Variants in AAMDC observed in about 807,000 individuals in gnomAD.
AAMDC encodes the protein mth938 domain-containing protein.
In AAMDC, 16 loss-of-function variants were observed where a neutral mutation model predicts 15.5. The observed-to-expected ratio is 1.03, with a 90% CI of 0.70 to 1.57. The LOEUF (loss-of-function observed/expected upper bound fraction) is 1.57, where lower values mean the gene tolerates loss of function less well. Among genes scored for constraint, AAMDC ranks in the 40% most tolerant of loss-of-function variants. AAMDC has a pLI of 0.00. For synonymous variants in AAMDC, 51 were observed against 51.6 expected, an observed-to-expected ratio of 0.99 and a Z score of 0.05; for missense variants, 141 against 144.9, an observed-to-expected ratio of 0.97 and a Z score of 0.14.
chr11:77,835,645 G>A (rs760564468), intron 1 of AAMDC, among the ~76,000 whole-genome samples: 6 of 152,168 alleles, frequency 3.9e-5, no homozygotes, highest in Non-Finnish European at 7.3e-5. Flanking sequence ...GGGGCCAGGC[G>A]TGGTGGCTCA....
At chr11:77,838,339 G>A (rs1949782609) in intron 1 of AAMDC, among the ~76,000 whole-genome samples, 1 of 152,174 alleles carries the variant, frequency 6.6e-6, no homozygotes, top group Non-Finnish European at 1.5e-5. Flanking sequence ...ACAGTCAGTA[G>A]ACTAGTGTAT....
At chr11:77,842,083 T>G (rs777494987) in intron 1 of AAMDC, among the ~76,000 whole-genome samples, 1 of 152,238 alleles carries the variant, frequency 6.6e-6, no homozygotes, top group Non-Finnish European at 1.5e-5. Flanking sequence ...TTTCTCTGAT[T>G]GTGGTATATG....
chr11:77,894,258 T>G (rs1264639679), intron 5 of AAMDC: 1 of 1,203,658 alleles, frequency 8.3e-7, no homozygotes, highest in South Asian at 1.3e-5. Flanking sequence ...TAACCAAGAT[T>G]TAATAAGCCA....
At chr11:77,902,041 C>T (rs1337394914), downstream of AAMDC, among the ~76,000 whole-genome samples, 1 of 152,156 alleles carries the variant, frequency 6.6e-6, no homozygotes, top group Non-Finnish European at 1.5e-5. Context: ...TTGTCTATGA[C>T]CCCAGATCAA....
downstream of AAMDC, among the ~76,000 whole-genome samples, chr11:77,905,497 TG>T (rs1441602006): frequency 6.6e-6 from 1 of 151,742 alleles, no homozygotes; most frequent in African/African-American, 2.4e-5. Context: ...ACGGACTCTC[TG>T]GGTTCTGCTG....
In AAMDC at chr11:77,849,308, G is replaced by A. The variant is rs145845581; in HGVS notation, c.132+6680G>A. ...GTGACCTTGGCTCACTGCAACCTCT[G>A]ACTCCCGGGTTCAAGCGATTCTCTT... On this transcript the variant is annotated intron_variant, in intron 2 of 3. Coordinates refer to ENST00000393427, the MANE Select transcript of AAMDC (RefSeq NM_024684.4). 8.7e-3 allele frequency among the ~76,000 whole-genome samples: 1,322 copies of A among 152,128 alleles called. 13 individuals are homozygous for A. The highest frequency in any genetic ancestry group is 0.031 in the African/African-American group (1,273 of 41,510).
Position 77,895,530 on chromosome 11 carries a change from A to G in AAMDC, c.329-5041A>G, listed in dbSNP as rs1303692224. Among the ~76,000 whole-genome samples, 19 of 39,670 alleles carry G rather than the reference A, an allele frequency of 4.8e-4. No homozygotes were observed. In the East Asian group the frequency reaches 0.015, roughly 31 times the overall value. The allele number at this position is 39,670 out of a possible 152,430, so 26.0% of individuals were successfully genotyped here. Reference sequence around the variant, plus strand: ...CATTCATTCTAATTCTTTTCCTGAAAAAAAAAAAAAAAAAAAAAAAAAAAA... The same window carrying G: ...CATTCATTCTAATTCTTTTCCTGAAGAAAAAAAAAAAAAAAAAAAAAAAAA... On this transcript the variant is annotated intron_variant, in intron 5 of 5. Transcript: ENST00000304716.
rs1171420100 is a variant in AAMDC, at chr11:77,854,295, C to T, written c.132+11667C>T. On this transcript the variant is annotated intron_variant, in intron 2 of 3. Coordinates refer to ENST00000393427, the MANE Select transcript of AAMDC (RefSeq NM_024684.4). ...GCGTGAGCCACCGTGCCCGGCTATC[C>T]TCCAAATTCTTAACACATTCCAGCA... Among the ~76,000 whole-genome samples, 3 of 152,218 alleles carry T rather than the reference C, an allele frequency of 2.0e-5. No individual in the cohort carries two copies. In the East Asian group the frequency reaches 5.8e-4, roughly 30 times the overall value.
At chr11:77,824,209 A>G (rs971653983) in intron 1 of AAMDC, among the ~76,000 whole-genome samples, 3 of 152,254 alleles carry the variant, frequency 2.0e-5, no homozygotes, top group Non-Finnish European at 2.9e-5. Flanking sequence ...GAAATTGTGG[A>G]ATACAGAGCT....
At chr11:77,881,967 A>T (rs1346656522) in intron 5 of AAMDC, among the ~76,000 whole-genome samples, 1 of 149,754 alleles carries the variant, frequency 6.7e-6, no homozygotes, top group Non-Finnish European at 1.5e-5. Flanking sequence ...GCTGGAGTGT[A>T]GTGGCATGAT....
chr11:77,878,543 G>A (rs1215230515), intron 5 of AAMDC, among the ~76,000 whole-genome samples: 2 of 152,086 alleles, frequency 1.3e-5, no homozygotes, highest in African/African-American at 4.8e-5. Flanking sequence ...CGGCCTTGGA[G>A]TTGCCCTGAC....
intron 5 of AAMDC, among the ~76,000 whole-genome samples, chr11:77,880,471 G>C (rs1951749843): frequency 1.3e-5 from 2 of 152,204 alleles, no homozygotes; most frequent in South Asian, 4.1e-4. Flanking sequence ...GACAACATGA[G>C]GGTCATGCAG....
chr11:77,877,721 G>A (rs1951637064), intron 5 of AAMDC, among the ~76,000 whole-genome samples: 1 of 151,980 alleles, frequency 6.6e-6, no homozygotes, highest in African/African-American at 2.4e-5. Context: ...AACCTCTCTG[G>A]AGCACTGACT....
At chr11:77,880,139 T>G (rs1951735698) in intron 5 of AAMDC, among the ~76,000 whole-genome samples, 1 of 152,176 alleles carries the variant, frequency 6.6e-6, no homozygotes, top group African/African-American at 2.4e-5. Context: ...CTCCTTAATT[T>G]GGTGCAACCA....
intron 5 of AAMDC, among the ~76,000 whole-genome samples, chr11:77,887,249 G>C (rs1430370873): frequency 3.4e-4 from 52 of 152,152 alleles, no homozygotes; most frequent in Non-Finnish European, 8.8e-5. Context: ...TCATCCCTGG[G>C]ATGCAAGGCT....
intron 2 of AAMDC, among the ~76,000 whole-genome samples, chr11:77,860,950 T>C (rs963196500): frequency 1.3e-5 from 2 of 152,180 alleles, no homozygotes; most frequent in Non-Finnish European, 2.9e-5. Flanking sequence ...AATTGGAGTA[T>C]TGCAGGGGCT....
At chr11:77,840,803 CAT>C (rs1485634255) in intron 1 of AAMDC, among the ~76,000 whole-genome samples, 1 of 152,024 alleles carries the variant, frequency 6.6e-6, no homozygotes, top group African/African-American at 2.4e-5. Context: ...TTTTAGATAA[CAT>C]ATTGTAGGAC....
chr11:77,846,817 T>A (rs192179814), intron 2 of AAMDC, among the ~76,000 whole-genome samples: 41 of 152,352 alleles, frequency 2.7e-4, no homozygotes, highest in African/African-American at 8.7e-4. Flanking sequence ...TTAATTTGTC[T>A]TGTATTCTAA....
chr11:77,862,912 A>T (rs1245387375), intron 2 of AAMDC, among the ~76,000 whole-genome samples: 1 of 152,102 alleles, frequency 6.6e-6, no homozygotes, highest in Non-Finnish European at 1.5e-5. Flanking sequence ...TCTCCAGAAT[A>T]TATCTTAGGG....
Sources: gnomAD v4.1 joint callset for allele counts (sites outside exome capture counted in the v4.1 genomes callset) on GRCh38, gnomAD v4.1.1 for gene constraint, MANE v1.5 for transcripts, NCBI Gene and HGNC (gene_info 2026-07-23, HGNC 2026-07-21) for gene names.